The following DLGAP2 variants were observed in gnomAD, a reference collection of about 807,000 sequenced individuals.
DLGAP2 encodes the protein DLG associated protein 2, also known as disks large-associated protein 2.
In DLGAP2, 26 loss-of-function variants were observed where a neutral mutation model predicts 100.3. That is an observed-to-expected ratio of 0.26 (90% CI 0.19 to 0.36). DLGAP2 has a LOEUF of 0.36. Among genes scored for constraint, DLGAP2 ranks in the 10% least tolerant of loss-of-function variants. The probability of loss-of-function intolerance (pLI) is 1.00; values close to 1 mark genes in which losing one functional copy is unlikely to be tolerated. For synonymous variants in DLGAP2, 886 were observed against 630.1 expected, an observed-to-expected ratio of 1.41 and a Z score of -6.08; for missense variants, 1,858 against 1,453.2, an observed-to-expected ratio of 1.28 and a Z score of -4.53.
intron 3 of DLGAP2, among the ~76,000 whole-genome samples, chr8:1,436,086 G>C (rs1002338828): frequency 1.3e-5 from 2 of 152,132 alleles, no homozygotes; most frequent in African/African-American, 4.8e-5. Flanking sequence ...TAATAGGATA[G>C]GTGTATATAT....
intron 2 of DLGAP2, among the ~76,000 whole-genome samples, chr8:1,094,209 A>G (rs1289697172): frequency 3.9e-5 from 6 of 152,144 alleles, no homozygotes; most frequent in Non-Finnish European, 5.9e-5. Context: ...ACTGGCTGAG[A>G]CTTTGGACGG....
intron 3 of DLGAP2, among the ~76,000 whole-genome samples, chr8:1,483,733 T>TGCAGGAGGTGGGGACCAGGGAGGCAGGG (rs1799169245): frequency 6.6e-6 from 1 of 150,796 alleles, no homozygotes; most frequent in South Asian, 2.1e-4. Context: ...GGAAGGCAGG[T>TGCAGGAGGTGGGGACCAGGGAGGCAGGG]GCAGAATGTG....
intron 2 of DLGAP2, among the ~76,000 whole-genome samples, chr8:1,218,665 A>C (rs1189826027): frequency 6.6e-6 from 1 of 152,056 alleles, no homozygotes; most frequent in Non-Finnish European, 1.5e-5. Context: ...AATTATATGG[A>C]AAATCATGTT....
chr8:1,303,337 C>G (rs1182848049), intron 3 of DLGAP2, among the ~76,000 whole-genome samples: 2 of 148,548 alleles, frequency 1.3e-5, no homozygotes, highest in Non-Finnish European at 1.5e-5. Context: ...GCGGAGCTTG[C>G]ACAGAGCCGA....
At chr8:1,289,415 C>A (rs1292197187) in intron 3 of DLGAP2, among the ~76,000 whole-genome samples, 5 of 152,200 alleles carry the variant, frequency 3.3e-5, no homozygotes, top group African/African-American at 9.6e-5. Context: ...AGAGTGGTTG[C>A]TACACACATG....
intron 2 of DLGAP2, among the ~76,000 whole-genome samples, chr8:1,132,878 A>G (rs1295114413): frequency 6.6e-6 from 1 of 152,254 alleles, no homozygotes; most frequent in Non-Finnish European, 1.5e-5. Context: ...CAACTGGTTA[A>G]AGAAGAGAAG....
chr8:1,355,101 A>G (rs568345069), intron 3 of DLGAP2, among the ~76,000 whole-genome samples: 16 of 151,966 alleles, frequency 1.1e-4, no homozygotes, highest in Admixed American at 2.6e-4. Flanking sequence ...CTGTGGATGA[A>G]GGTGGAAAGT....
rs754587007 is a variant in DLGAP2, at chr8:1,549,245, C to T, written c.792C>T (p.Asp264=). The change falls in exon 5 of 15, where the codon GAC becomes GAT. Residue 264 remains aspartate (D), a synonymous_variant. Transcript: ENST00000637795. ...GCACCAAGGCGGACGGCCGGGCGGA[C>T]GACCACCACCACGCCCACCACGCCA... is the stretch of plus-strand genomic sequence containing the variant. ...ANGTKADGRA[D]DHHHAHHAKH... 17 of 1,608,148 alleles carry T rather than the reference C, an allele frequency of 1.1e-5. No individual in the cohort carries two copies. The South Asian group carries it at 1.1e-4, about 10-fold the overall frequency.
chr8:1,616,768 A>C (rs138409916), intron 6 of DLGAP2, among the ~76,000 whole-genome samples: 160 of 150,982 alleles, frequency 1.1e-3, no homozygotes, highest in Non-Finnish European at 1.7e-3. Flanking sequence ...TCAGGGGTAC[A>C]TGCACAGATT....
rs190061736 is a variant in DLGAP2 at position 1,421,672 on chromosome 8, C to T, written c.107-79694C>T. Among the ~76,000 whole-genome samples the T allele has an allele frequency of 9.6e-4, 146 of 152,220 alleles. 1 individual carries two copies. Among genetic ancestry groups the T allele is most frequent in the African/African-American group, 3.3e-3 (139 of 41,528 alleles). ...AGCAAGCACATATGTTTGGCTATAACAAAATTCATAAGGCTAGGCACAGTG... is the reference window on the plus strand; with the variant it reads ...AGCAAGCACATATGTTTGGCTATAATAAAATTCATAAGGCTAGGCACAGTG... On this transcript the variant is annotated intron_variant, in intron 3 of 14. Coordinates refer to ENST00000637795, the MANE Select transcript of DLGAP2 (RefSeq NM_001346810.2).
chr8:1,533,893 G>A (rs1286737656), intron 4 of DLGAP2, among the ~76,000 whole-genome samples: 3 of 152,134 alleles, frequency 2.0e-5, no homozygotes, highest in Admixed American at 6.6e-5. Flanking sequence ...AGTTTGAGGC[G>A]ACAGTGAGCT....
At chr8:1,366,076 T>C (rs1459789714) in intron 3 of DLGAP2, among the ~76,000 whole-genome samples, 1 of 152,246 alleles carries the variant, frequency 6.6e-6, no homozygotes. Context: ...ATGTGCCTTA[T>C]GTCACTGTGC....
rs749915594 is a variant in DLGAP2, at chr8:1,565,733, G to C, written c.1281G>C (p.Glu427Asp). Residue 427 changes from glutamate to aspartate, a missense_variant, in exon 6 of 15, where the codon GAG becomes GAC. Coordinates refer to ENST00000637795, the MANE Select transcript of DLGAP2 (RefSeq NM_001346810.2). ...GGYPTGGKDE[E>D]IPCRRMRSGS... ...ACCCCACCGGTGGCAAAGATGAGGA[G>C]ATTCCCTGCAGGAGAATGAGAAGTG... 4 of 1,613,686 alleles carry C rather than the reference G, an allele frequency of 2.5e-6. No homozygotes were observed. The East Asian group carries it at 6.7e-5, about 27-fold the overall frequency.
intron 4 of DLGAP2, among the ~76,000 whole-genome samples, chr8:1,542,692 C>G (rs897640054): frequency 6.6e-6 from 1 of 152,220 alleles, no homozygotes; most frequent in Non-Finnish European, 1.5e-5. Context: ...AATGATGTCG[C>G]TGTAAGCATT....
chr8:1,068,128 G>A (rs992787173), intron 2 of DLGAP2, among the ~76,000 whole-genome samples: 1 of 152,144 alleles, frequency 6.6e-6, no homozygotes, highest in African/African-American at 2.4e-5. Flanking sequence ...GTCTTTTCCT[G>A]GCTTAGCTGC....
chr8:980,509 G>A (rs187856825), intron 2 of DLGAP2, among the ~76,000 whole-genome samples: 1 of 152,198 alleles, frequency 6.6e-6, no homozygotes. Context: ...AGCAGGGATT[G>A]GGAACTGTGA....
At chr8:1,420,290 C>T (rs946786719) in intron 3 of DLGAP2, among the ~76,000 whole-genome samples, 1 of 152,108 alleles carries the variant, frequency 6.6e-6, no homozygotes, top group African/African-American at 2.4e-5. Flanking sequence ...ACCTTTATTG[C>T]CCTTATTACT....
intron 1 of DLGAP2, among the ~76,000 whole-genome samples, chr8:744,045 A>G (rs960673662): frequency 5.9e-5 from 9 of 152,154 alleles, no homozygotes; most frequent in Non-Finnish European, 2.9e-5. Context: ...AAATGCCCAG[A>G]CACCTGTTTT....
intron 2 of DLGAP2, among the ~76,000 whole-genome samples, chr8:1,202,253 T>TGG (rs1373721646): frequency 1.5e-4 from 21 of 144,684 alleles, no homozygotes; most frequent in Middle Eastern, 3.5e-3. Flanking sequence ...TGTGTGTGTG[T>TGG]GTGTGTGTGT....
Sources: allele counts gnomAD v4.1 joint callset (sites outside exome capture counted in the v4.1 genomes callset), GRCh38; gene constraint gnomAD v4.1.1; transcripts MANE v1.5; gene names NCBI Gene and HGNC (gene_info 2026-07-23, HGNC 2026-07-21).